TAMM41: variants seen among roughly 807,000 people sequenced by gnomAD.
TAMM41 encodes phosphatidate cytidylyltransferase, mitochondrial.
In TAMM41, 36 loss-of-function variants were observed where a neutral mutation model predicts 44.1. The ratio of observed to expected loss-of-function variants is 0.82; its 90% CI spans 0.63 to 1.08. The LOEUF (loss-of-function observed/expected upper bound fraction) is 1.08, where lower values mean the gene tolerates loss of function less well. Ranked by LOEUF, TAMM41 falls within the 50% of genes least tolerant of loss-of-function variation. TAMM41 has a pLI of 0.00. For synonymous variants in TAMM41, 164 were observed against 153.1 expected (o/e 1.07, Z -0.53); for missense variants, 417 against 404.3 (o/e 1.03, Z -0.27).
chr3:11,792,429 G>A (rs1559263413), intron 7 of TAMM41, among the ~76,000 whole-genome samples: 1 of 152,140 alleles, frequency 6.6e-6, no homozygotes, highest in Non-Finnish European at 1.5e-5. Context: ...TCTCTAACAA[G>A]GGGTCCACAG....
chr3:11,786,289 A>AATT (rs372542418), downstream of TAMM41, among the ~76,000 whole-genome samples: 1,982 of 85,400 alleles, frequency 0.023, 12 homozygotes, highest in Middle Eastern at 0.046. Flanking sequence ...ATTTAATTTT[A>AATT]TTATTATTAT....
chr3:11,830,313 G>A (rs943766693), intron 3 of TAMM41, among the ~76,000 whole-genome samples: 1 of 151,960 alleles, frequency 6.6e-6, no homozygotes, highest in Non-Finnish European at 1.5e-5. Context: ...TAGATACATC[G>A]ATTTTGAACT....
At position 11,844,135 on chromosome 3, in the gene TAMM41, C is replaced by T. The variant is rs1559334495; in HGVS notation, c.212G>A (p.Ser71Asn). ...WHSKNLKKNW[S>N]HYSFLKVLGP... ...TAAAACTTTTAGGAAAGAGTAGTGA[C>T]TCCAATTTTTCTTCAGGTTCTTTGA... Residue 71 changes from serine (S) to asparagine (N), a missense_variant, in exon 2 of 8, where the codon AGT becomes AAT. Ser to Asn is a conservative substitution (Grantham distance 46). Transcript: ENST00000455809. 2 of 1,614,202 alleles carry T rather than the reference C, an allele frequency of 1.2e-6. No homozygotes were observed. Among genetic ancestry groups the T allele is most frequent in the African/African-American group, 1.3e-5 (1 of 75,044 alleles).
At chr3:11,759,033 TTAAA>T in the TAMM41 span, among the ~76,000 whole-genome samples, 4 of 152,306 alleles carry the variant, frequency 2.6e-5, no homozygotes, top group African/African-American at 7.2e-5. Flanking sequence ...ATTATTGCTC[TTAAA>T]TAAAGAGCAT....
chr3:11,845,300 G>C (rs557836642), intron 1 of TAMM41, among the ~76,000 whole-genome samples: 1 of 152,330 alleles, frequency 6.6e-6, no homozygotes, highest in South Asian at 2.1e-4. Flanking sequence ...ACTGATGTGA[G>C]AAAGATGTAG....
chr3:11,723,220 G>A, the TAMM41 span, among the ~76,000 whole-genome samples: 3 of 152,274 alleles, frequency 2.0e-5, no homozygotes, highest in East Asian at 5.8e-4. Context: ...TTGGATGGGA[G>A]AAAACCATTT....
At chr3:11,837,451 A>G (rs376783249) in intron 3 of TAMM41, among the ~76,000 whole-genome samples, 7 of 152,194 alleles carry the variant, frequency 4.6e-5, no homozygotes, top group Middle Eastern at 3.4e-3. Flanking sequence ...ATACTTGTTA[A>G]AAGTTTAAGT....
chr3:11,828,851 T>C (rs1050512412), intron 4 of TAMM41, among the ~76,000 whole-genome samples: 13 of 152,350 alleles, frequency 8.5e-5, no homozygotes, highest in African/African-American at 3.1e-4. Context: ...ATTTGGAGGC[T>C]AAGTAAACTG....
chr3:11,775,604 T>C, the TAMM41 span, among the ~76,000 whole-genome samples: 1 of 152,232 alleles, frequency 6.6e-6, no homozygotes, highest in Non-Finnish European at 1.5e-5. Flanking sequence ...TTTACTGAGC[T>C]CCTAATGTGA....
chr3:11,846,845 T>G lies in TAMM41; in HGVS notation c.-209A>C. On this transcript the variant is annotated 5_prime_UTR_variant, in exon 1 of 8. Transcript: ENST00000455809. ...CAGCGGCGAGAAGACGCAGCCCAGA[T>G]AGGCTCGGGTGGGCGGCGGTCGCAC... 1 of 606,974 alleles carries G rather than the reference T, an allele frequency of 1.6e-6. No homozygotes were observed. The highest frequency in any genetic ancestry group is 3.0e-5 in the East Asian group (1 of 33,476). The allele number at this position is 606,974 out of a possible 1,614,324, so 37.6% of individuals were successfully genotyped here. A position where few individuals can be genotyped will look rare whatever the true frequency, so the allele number is the denominator to read the frequency against.
At chr3:11,773,167 G>C in the TAMM41 span, among the ~76,000 whole-genome samples, 1 of 152,038 alleles carries the variant, frequency 6.6e-6, no homozygotes, top group Non-Finnish European at 1.5e-5. Flanking sequence ...ATATGGGACA[G>C]GCTGGTCTCA....
the TAMM41 span, among the ~76,000 whole-genome samples, chr3:11,752,625 C>CTTTTTTTTTTTTTTTTTTTTTTTT: frequency 1.3e-3 from 53 of 39,958 alleles, 13 homozygotes; most frequent in Non-Finnish European, 2.2e-3. Context: ...TCTTACAAAG[C>CTTTTTTTTTTTTTTTTTTTTTTTT]TTTTTTTTTT....
At chr3:11,770,462 A>G in the TAMM41 span, among the ~76,000 whole-genome samples, 4 of 152,206 alleles carry the variant, frequency 2.6e-5, no homozygotes, top group Non-Finnish European at 5.9e-5. Context: ...ATTTCTCCCA[A>G]AGTAGTAATG....
the TAMM41 span, among the ~76,000 whole-genome samples, chr3:11,730,224 C>T: frequency 6.6e-6 from 1 of 151,988 alleles, no homozygotes; most frequent in Non-Finnish European, 1.5e-5. Context: ...AGTTCAAGAC[C>T]AGCCTGACCA....
rs565851016 is a variant in TAMM41, at chr3:11,821,512, T to A, written c.563-4175A>T. Among the ~76,000 whole-genome samples the A allele has an allele frequency of 2.0e-5, 3 of 152,326 alleles. No homozygotes were observed. The South Asian group carries it at 6.2e-4, about 32-fold the overall frequency. On this transcript the variant is annotated intron_variant, in intron 4 of 7. Transcript: ENST00000455809. ...AGGCAGTAATGCAAGTGATGGAGAT[T>A]GGCTGTCAATACAAATGAAGCTCGC...
At chr3:11,775,095 C>T in the TAMM41 span, among the ~76,000 whole-genome samples, 1 of 152,036 alleles carries the variant, frequency 6.6e-6, no homozygotes, top group South Asian at 2.1e-4. Flanking sequence ...GTTTGAACTC[C>T]TGACCTCGTG....
chr3:11,801,119 A>G (rs1240284952), intron 7 of TAMM41, among the ~76,000 whole-genome samples: 1 of 151,990 alleles, frequency 6.6e-6, no homozygotes, highest in Non-Finnish European at 1.5e-5. Flanking sequence ...AAAAGGAAGA[A>G]GAAACATTCT....
At chr3:11,826,530 CAAAAA>C (rs11388352) in intron 4 of TAMM41, among the ~76,000 whole-genome samples, 2 of 62,220 alleles carry the variant, frequency 3.2e-5, no homozygotes, top group Non-Finnish European at 5.9e-5. Context: ...CCTTGTCTCT[CAAAAA>C]AAAAAAAAAA....
chr3:11,798,957 A>G (rs1476950161), intron 7 of TAMM41, among the ~76,000 whole-genome samples: 3 of 152,090 alleles, frequency 2.0e-5, no homozygotes, highest in Admixed American at 6.6e-5. Context: ...GCTTAACCCT[A>G]TAATTCCAGC....
Sources: gnomAD v4.1 joint callset for allele counts (sites outside exome capture counted in the v4.1 genomes callset) on GRCh38, gnomAD v4.1.1 for gene constraint, MANE v1.5 for transcripts, NCBI Gene and HGNC (gene_info 2026-07-23, HGNC 2026-07-21) for gene names.